The following KCNQ5 variants were observed in gnomAD, a reference collection of about 807,000 sequenced individuals.
KCNQ5 encodes the protein potassium voltage-gated channel subfamily Q member 5, also known as potassium voltage-gated channel subfamily KQT member 5.
A neutral mutation model predicts 98.2 loss-of-function variants in KCNQ5; 30 were observed. That is an observed-to-expected ratio of 0.31 (90% CI 0.23 to 0.41). The LOEUF (loss-of-function observed/expected upper bound fraction) is 0.41. KCNQ5 is among the 10% of genes least tolerant of loss of function. The pLI is 1.00. For synonymous variants in KCNQ5, 458 were observed against 449.4 expected, an observed-to-expected ratio of 1.02 and a Z score of -0.24; for missense variants, 835 against 1,182.5, an observed-to-expected ratio of 0.71 and a Z score of 4.31.
At chr6:72,768,453 A>G (rs966668397) in intron 1 of KCNQ5, among the ~76,000 whole-genome samples, 3 of 151,956 alleles carry the variant, frequency 2.0e-5, no homozygotes, top group Non-Finnish European at 4.4e-5. Flanking sequence ...GTTAAAGTTG[A>G]CTTTTGTTAT....
intron 2 of KCNQ5, among the ~76,000 whole-genome samples, chr6:73,009,996 A>T (rs927732604): frequency 6.6e-6 from 1 of 152,148 alleles, no homozygotes; most frequent in Admixed American, 6.5e-5. Flanking sequence ...AAATATAAAA[A>T]AGAAGCAACA....
chr6:72,856,922 T>C (rs149794415), intron 1 of KCNQ5, among the ~76,000 whole-genome samples: 1 of 152,174 alleles, frequency 6.6e-6, no homozygotes, highest in African/African-American at 2.4e-5. Flanking sequence ...TGCAGAATGC[T>C]GGGGATATGC....
At chr6:72,970,423 A>G (rs1226061649) in intron 1 of KCNQ5, among the ~76,000 whole-genome samples, 1 of 152,234 alleles carries the variant, frequency 6.6e-6, no homozygotes, top group Non-Finnish European at 1.5e-5. Flanking sequence ...TGTGTATTAC[A>G]TATGCACATG....
intron 5 of KCNQ5, 89 bp from the exon 6 acceptor site, chr6:73,105,166 ATT>A (rs1774951345): frequency 1.6e-6 from 1 of 617,530 alleles, no homozygotes; most frequent in Non-Finnish European, 2.8e-6. Context: ...TTGAATAATG[ATT>A]TAGTGGAAAC....
At chr6:72,821,146 G>T (rs373278944) in intron 1 of KCNQ5, among the ~76,000 whole-genome samples, 1 of 152,314 alleles carries the variant, frequency 6.6e-6, no homozygotes, top group African/African-American at 2.4e-5. Flanking sequence ...GGGACAGATG[G>T]TAGAGGTGTG....
At chr6:72,907,307 T>C (rs117085983) in intron 1 of KCNQ5, among the ~76,000 whole-genome samples, 1 of 152,284 alleles carries the variant, frequency 6.6e-6, no homozygotes, top group Non-Finnish European at 1.5e-5. Flanking sequence ...CCCCTGAACC[T>C]AAGGTAAAAA....
intron 7 of KCNQ5, among the ~76,000 whole-genome samples, chr6:73,112,313 TTGC>T (rs1775273640): frequency 6.6e-6 from 1 of 151,972 alleles, no homozygotes; most frequent in Non-Finnish European, 1.5e-5. Context: ...CACTGTTTTG[TTGC>T]TGTTGTTGTT....
chr6:72,859,215 A>G (rs1193260194), intron 1 of KCNQ5, among the ~76,000 whole-genome samples: 1 of 152,114 alleles, frequency 6.6e-6, no homozygotes, highest in African/African-American at 2.4e-5. Context: ...TTTTATTATA[A>G]TAGAGTTCTA....
At chr6:72,636,299 G>T (rs747001541) in intron 1 of KCNQ5, among the ~76,000 whole-genome samples, 1 of 152,108 alleles carries the variant, frequency 6.6e-6, no homozygotes, top group African/African-American at 2.4e-5. Context: ...TACTCAGTGA[G>T]CCAAGAATAG....
chr6:73,138,561 T>C (rs1467695246), intron 10 of KCNQ5, among the ~76,000 whole-genome samples: 1 of 152,224 alleles, frequency 6.6e-6, no homozygotes, highest in Non-Finnish European at 1.5e-5. Flanking sequence ...TGGCAATAGA[T>C]CTGAAAATCT....
intron 1 of KCNQ5, among the ~76,000 whole-genome samples, chr6:72,820,923 A>G (rs187111793): frequency 1.3e-5 from 2 of 152,320 alleles, no homozygotes; most frequent in Non-Finnish European, 2.9e-5. Flanking sequence ...TTGTGAGTAC[A>G]TGTACAAACT....
At chr6:73,086,587 G>A (rs572607126) in intron 5 of KCNQ5, among the ~76,000 whole-genome samples, 4 of 152,202 alleles carry the variant, frequency 2.6e-5, no homozygotes, top group Admixed American at 6.5e-5. Flanking sequence ...TGTTGCCAAT[G>A]TTCTTCAAAG....
intron 1 of KCNQ5, among the ~76,000 whole-genome samples, chr6:72,664,692 C>CAAAA (rs1271444544): frequency 7.1e-6 from 1 of 140,492 alleles, no homozygotes; most frequent in African/African-American, 2.8e-5. Context: ...AACAAACAAA[C>CAAAA]AAAAAACACA....
intron 10 of KCNQ5, among the ~76,000 whole-genome samples, chr6:73,134,632 A>G (rs891706716): frequency 6.6e-6 from 1 of 152,306 alleles, no homozygotes; most frequent in Non-Finnish European, 1.5e-5. Context: ...CGCTCAAGTG[A>G]GCAACACAAG....
At chr6:73,176,846 G>A (rs547882886) in intron 11 of KCNQ5, among the ~76,000 whole-genome samples, 32 of 152,294 alleles carry the variant, frequency 2.1e-4, no homozygotes, top group Non-Finnish European at 4.4e-5. Context: ...CTCTGGATCT[G>A]ACACCCAGGA....
intron 12 of KCNQ5, 56 bp from the exon 13 acceptor site, chr6:73,192,509 C>G: frequency 6.8e-7 from 1 of 1,475,774 alleles, no homozygotes; most frequent in Non-Finnish European, 9.0e-7. Flanking sequence ...TTCATTCTGA[C>G]CTAGGGCAAT....
intron 5 of KCNQ5, among the ~76,000 whole-genome samples, chr6:73,084,987 CCAAGTG>C (rs563599398): frequency 2.6e-5 from 4 of 152,070 alleles, no homozygotes; most frequent in African/African-American, 4.8e-5. Flanking sequence ...GCAGGGCCTC[CCAAGTG>C]CTAGGAAAAG....
At chr6:72,817,856 T>C (rs988071544) in intron 1 of KCNQ5, among the ~76,000 whole-genome samples, 1 of 151,536 alleles carries the variant, frequency 6.6e-6, no homozygotes, top group Non-Finnish European at 1.5e-5. Context: ...ATTGCACCAT[T>C]GCACTCCAGC....
At chr6:73,174,990 G>A (rs938287192) in intron 11 of KCNQ5, among the ~76,000 whole-genome samples, 1 of 152,070 alleles carries the variant, frequency 6.6e-6, no homozygotes, top group African/African-American at 2.4e-5. Flanking sequence ...TGAGTCACAT[G>A]AGAAGAGCAC....
Sources: allele counts gnomAD v4.1 joint callset (sites outside exome capture counted in the v4.1 genomes callset), GRCh38; gene constraint gnomAD v4.1.1; transcripts MANE v1.5; gene names NCBI Gene and HGNC (gene_info 2026-07-23, HGNC 2026-07-21).